CACNB2: variants seen among roughly 807,000 people sequenced by gnomAD.
CACNB2 encodes calcium voltage-gated channel auxiliary subunit beta 2, also known as voltage-dependent L-type calcium channel subunit beta-2.
A neutral mutation model predicts 73.3 loss-of-function variants in CACNB2; 42 were observed. That is an observed-to-expected ratio of 0.57 (90% CI 0.45 to 0.74). The LOEUF is 0.74. Ranked by LOEUF, CACNB2 falls within the 30% of genes least tolerant of loss-of-function variation. The pLI is 0.00. For missense variants in CACNB2, 940 were observed against 853.0 expected (o/e 1.10, Z -1.27); for synonymous variants, 348 against 310.3 (o/e 1.12, Z -1.28).
At chr10:18,477,575 C>A (rs1291873612) in intron 3 of CACNB2, among the ~76,000 whole-genome samples, 2 of 152,040 alleles carry the variant, frequency 1.3e-5, no homozygotes, top group Non-Finnish European at 2.9e-5. Flanking sequence ...AAGGATATGC[C>A]CAGGAGAAAA....
chr10:18,530,806 C>G (rs2052940836), intron 10 of CACNB2, among the ~76,000 whole-genome samples: 1 of 152,116 alleles, frequency 6.6e-6, no homozygotes, highest in South Asian at 2.1e-4. Context: ...TAATTTAGTC[C>G]TCATTTCCGT....
intron 3 of CACNB2, among the ~76,000 whole-genome samples, chr10:18,493,992 T>C (rs1006207768): frequency 1.3e-5 from 2 of 152,224 alleles, no homozygotes; most frequent in Admixed American, 6.5e-5. Flanking sequence ...TTCCTAGTTC[T>C]ATAAAGCTAA....
chr10:18,292,423 C>T (rs977115482), intron 2 of CACNB2, among the ~76,000 whole-genome samples: 20 of 152,052 alleles, frequency 1.3e-4, no homozygotes, highest in Admixed American at 6.6e-5. Context: ...TTTAGGAGGC[C>T]GAGGCGGGCA....
intron 2 of CACNB2, among the ~76,000 whole-genome samples, chr10:18,191,161 G>A (rs1341280161): frequency 6.6e-6 from 1 of 152,186 alleles, no homozygotes; most frequent in African/African-American, 2.4e-5. Context: ...TCAGTAGCTG[G>A]ATATTTACTA....
In CACNB2 at chr10:18,150,879, T is replaced by TG. The variant is rs1554759973; in HGVS notation, c.121-4_121-3insG. The TG allele has an allele frequency of 2.8e-4, 353 of 1,259,336 alleles. No individual in the cohort carries two copies. Among genetic ancestry groups the TG allele is most frequent in the Middle Eastern group, 1.3e-3 (6 of 4,498 alleles). The allele number at this position is 1,259,336 out of a possible 1,614,324, so 78.0% of individuals were successfully genotyped here. A position where few individuals can be genotyped will look rare whatever the true frequency, so the allele number is the denominator to read the frequency against. On this transcript the variant is annotated splice_polypyrimidine_tract_variant and splice_region_variant and intron_variant, in intron 1 of 13. Coordinates refer to ENST00000324631, the MANE Select transcript of CACNB2 (RefSeq NM_201596.3). ...TCTTTTTTTTTTTTTTTTTTTTTTTTTAGTCATATGGAAAAGGAGCCAGAA... is the reference window on the plus strand; with the variant it reads ...TCTTTTTTTTTTTTTTTTTTTTTTTTGTAGTCATATGGAAAAGGAGCCAGAA...
intron 2 of CACNB2, among the ~76,000 whole-genome samples, chr10:18,347,703 C>G (rs1349431453): frequency 1.3e-5 from 2 of 152,036 alleles, no homozygotes; most frequent in East Asian, 3.9e-4. Context: ...TACTTTGAAG[C>G]CTGAGTAATT....
At chr10:18,142,982 C>A (rs1169584115) in intron 1 of CACNB2, among the ~76,000 whole-genome samples, 2 of 152,162 alleles carry the variant, frequency 1.3e-5, no homozygotes, top group Non-Finnish European at 2.9e-5. Flanking sequence ...TCAGATTACA[C>A]CAGATATTTT....
At chr10:18,221,063 T>C (rs1434280438) in intron 2 of CACNB2, among the ~76,000 whole-genome samples, 1 of 152,162 alleles carries the variant, frequency 6.6e-6, no homozygotes, top group Non-Finnish European at 1.5e-5. Context: ...CCTGGCTCTT[T>C]TCTGTAGTTA....
At chr10:18,201,852 C>T (rs2034896627) in intron 2 of CACNB2, among the ~76,000 whole-genome samples, 1 of 152,158 alleles carries the variant, frequency 6.6e-6, no homozygotes, top group African/African-American at 2.4e-5. Flanking sequence ...ACAAATCTCT[C>T]CCTGACATTT....
At chr10:18,345,477 T>C (rs1003367287) in intron 2 of CACNB2, among the ~76,000 whole-genome samples, 1 of 152,196 alleles carries the variant, frequency 6.6e-6, no homozygotes, top group African/African-American at 2.4e-5. Flanking sequence ...GATTAATAAG[T>C]TACTTTTTAT....
intron 2 of CACNB2, among the ~76,000 whole-genome samples, chr10:18,237,850 A>G (rs2036506624): frequency 1.3e-5 from 2 of 152,180 alleles, no homozygotes; most frequent in South Asian, 4.1e-4. Context: ...TTCTGGAATG[A>G]TGGTAGAAAG....
intron 6 of CACNB2, among the ~76,000 whole-genome samples, chr10:18,511,223 T>C (rs936635778): frequency 6.6e-6 from 1 of 152,190 alleles, no homozygotes; most frequent in African/African-American, 2.4e-5. Context: ...AATTCCATTA[T>C]TACCTTTTTT....
intron 2 of CACNB2, among the ~76,000 whole-genome samples, chr10:18,160,420 T>A (rs909039932): frequency 1.3e-5 from 2 of 152,182 alleles, no homozygotes; most frequent in Middle Eastern, 3.2e-3. Context: ...AATTACACTT[T>A]CCACCGATAC....
intron 2 of CACNB2, among the ~76,000 whole-genome samples, chr10:18,189,928 G>A (rs2034320599): frequency 6.6e-6 from 1 of 152,144 alleles, no homozygotes; most frequent in South Asian, 2.1e-4. Flanking sequence ...GACACCCTGG[G>A]CACCTTGAAG....
rs955910575 is a variant in CACNB2, at chr10:18,514,272, A to T, written c.707A>T (p.Glu236Val). 6.2e-7 allele frequency: 1 copy of T among 1,614,152 alleles called. No individual in the cohort carries two copies. Among genetic ancestry groups the T allele is most frequent in the Non-Finnish European group, 8.5e-7 (1 of 1,179,998 alleles). The change falls in exon 7 of 14, where the codon GAA becomes GTA. Residue 236 changes from glutamate to valine, a missense_variant. Coordinates refer to ENST00000324631, the MANE Select transcript of CACNB2 (RefSeq NM_201596.3). ...GATGCTACTGGCTTAGATGCAGAAGAAAATGATATTCCAGCAAACCACCGC... is the reference window on the plus strand; with the variant it reads ...GATGCTACTGGCTTAGATGCAGAAGTAAATGATATTCCAGCAAACCACCGC... The part of the protein sequence containing the change: ...DIDATGLDAE[E>V]NDIPANHRSP...
At chr10:18,374,686 C>G (rs139619602) in intron 2 of CACNB2, among the ~76,000 whole-genome samples, 1 of 152,200 alleles carries the variant, frequency 6.6e-6, no homozygotes, top group Non-Finnish European at 1.5e-5. Context: ...TAGTTCAACA[C>G]TCTGCATGAT....
intron 2 of CACNB2, among the ~76,000 whole-genome samples, chr10:18,166,578 G>T (rs954605246): frequency 1.3e-5 from 2 of 152,196 alleles, no homozygotes; most frequent in African/African-American, 4.8e-5. Context: ...ATGCTTAAGA[G>T]ATTAGATACC....
In CACNB2 at chr10:18,227,947, AGT is replaced by A. The variant is rs200823833; in HGVS notation, c.213+76974_213+76975del. 4.0e-3 allele frequency among the ~76,000 whole-genome samples: 613 copies of A among 152,292 alleles called. 6 individuals are homozygous for A. The East Asian group carries it at 0.045, about 11-fold the overall frequency. On this transcript the variant is annotated intron_variant, in intron 2 of 13. Coordinates refer to ENST00000324631, the MANE Select transcript of CACNB2 (RefSeq NM_201596.3). ...ACATCATAAATTTGATGATTGAGAGAGTGAGAAGATGCTAGTGCTGTCTTCAG... is the reference window on the plus strand; with the variant it reads ...ACATCATAAATTTGATGATTGAGAGAGAGAAGATGCTAGTGCTGTCTTCAG...
chr10:18,271,247 T>C (rs1474739661), intron 2 of CACNB2, among the ~76,000 whole-genome samples: 1 of 152,154 alleles, frequency 6.6e-6, no homozygotes, highest in Non-Finnish European at 1.5e-5. Context: ...TGGCCTCTTT[T>C]CCCGATTTAG....
Sources: allele counts gnomAD v4.1 joint callset (sites outside exome capture counted in the v4.1 genomes callset), GRCh38; gene constraint gnomAD v4.1.1; transcripts MANE v1.5; gene names NCBI Gene and HGNC (gene_info 2026-07-23, HGNC 2026-07-21).